Variants in TP53BP1 observed in about 807,000 individuals in gnomAD.
The protein encoded by TP53BP1 is TP53-binding protein 1.
A neutral mutation model predicts 200.8 loss-of-function variants in TP53BP1; 61 were observed. The ratio of observed to expected loss-of-function variants is 0.30; its 90% confidence interval spans 0.25 to 0.38. TP53BP1 has a LOEUF of 0.38. Ranked by LOEUF, TP53BP1 falls within the 10% of genes least tolerant of loss-of-function variation. The pLI is 1.00. For synonymous variants in TP53BP1, 822 were observed against 844.3 expected (o/e 0.97, Z 0.46); for missense variants, 2,144 against 2,371.9 (o/e 0.90, Z 2.00).
chr15:43,492,255 C>T, intron 2 of TP53BP1, 29 bp downstream of exon 2: 1 of 1,589,196 alleles, frequency 6.3e-7, no homozygotes, highest in South Asian at 1.2e-5. Flanking sequence ...AAAATCTGCT[C>T]AATCTTCTTC....
intron 14 of TP53BP1, among the ~76,000 whole-genome samples, chr15:43,444,097 G>T (rs113103307): frequency 4.5e-4 from 69 of 152,254 alleles, no homozygotes; most frequent in African/African-American, 1.6e-3. Flanking sequence ...TTGTTGTAAG[G>T]ATGAAATGAT....
Position 43,498,614 on chromosome 15 carries a change from G to A in TP53BP1, c.-8-6146C>T, listed in dbSNP as rs141571206. Among the ~76,000 whole-genome samples the A allele has an allele frequency of 3.2e-4, 49 of 152,288 alleles. 1 individual carries two copies. In the East Asian group the frequency reaches 9.3e-3, roughly 29 times the overall value. On this transcript the variant is annotated intron_variant, in intron 1 of 27. Coordinates refer to the TP53BP1 transcript ENST00000263801. ...TCAAGAAATGTTCTAGATTTGAGAA[G>A]ACTACAAAGACAAAACCATTAAATG...
In TP53BP1 at chr15:43,441,555, T is replaced by A. The variant is rs1222046027; in HGVS notation, c.3069A>T (p.Gly1023=). 6.2e-7 allele frequency: 1 copy of A among 1,613,566 alleles called. No individual in the cohort carries two copies. Among genetic ancestry groups the A allele is most frequent in the South Asian group, 1.1e-5 (1 of 91,074 alleles). ...CAACAGACTCAGCAACAGCAGTAGA[T>A]CCATTTTTTCTTTCACCAGTTGCAG... is the stretch of plus-strand genomic sequence containing the variant. ...EKPATGERKN[G]STAVAESVAS... The change falls in exon 15 of 28, where the codon GGA becomes GGT. Residue 1023 remains glycine (G), a synonymous_variant. Coordinates refer to ENST00000382044, the MANE Select transcript of TP53BP1 (RefSeq NM_001141980.3).
intron 18 of TP53BP1, 35 bp from the exon 19 acceptor site, chr15:43,422,161 T>C: frequency 1.9e-6 from 3 of 1,599,860 alleles, no homozygotes; most frequent in East Asian, 4.5e-5. Context: ...AGATAAAAGA[T>C]GCCATAATAA....
At chr15:43,467,788 C>CT (rs11384031) in intron 11 of TP53BP1, among the ~76,000 whole-genome samples, 27,914 of 143,126 alleles carry the variant, frequency 0.2, 2,821 homozygotes, top group Middle Eastern at 0.25. Flanking sequence ...TTCTTAAACT[C>CT]TTTTTTTTTT....
At position 43,473,019 on chromosome 15, in the gene TP53BP1, TCA is replaced by T. The variant is rs1431036877; in HGVS notation, c.1180+1652_1180+1653del. ...CTGGTGGGTTCGTGGTCTCGCTGGT[TCA>T]GGAGTGAAGCTGCAGACCTTCGCGG... is the stretch of plus-strand genomic sequence containing the variant. On this transcript the variant is annotated intron_variant, in intron 10 of 27. Coordinates refer to ENST00000382044, the MANE Select transcript of TP53BP1 (RefSeq NM_001141980.3). 2.1e-4 allele frequency among the ~76,000 whole-genome samples: 32 copies of T among 152,242 alleles called. No individual in the cohort carries two copies. In the East Asian group the frequency reaches 4.1e-3, roughly 19 times the overall value.
intron 8 of TP53BP1, among the ~76,000 whole-genome samples, chr15:43,476,247 A>T (rs1249776546): frequency 6.6e-6 from 1 of 152,234 alleles, no homozygotes; most frequent in Non-Finnish European, 1.5e-5. Flanking sequence ...CCTGGGCAAC[A>T]GAGGGAGACT....
intron 10 of TP53BP1, among the ~76,000 whole-genome samples, chr15:43,470,509 G>C (rs1050516029): frequency 6.6e-6 from 1 of 152,030 alleles, no homozygotes; most frequent in Non-Finnish European, 1.5e-5. Flanking sequence ...TCATATTTAC[G>C]AACTGATTAT....
chr15:43,411,418 AAT>A (rs1227823951), intron 24 of TP53BP1, among the ~76,000 whole-genome samples: 2 of 152,208 alleles, frequency 1.3e-5, no homozygotes, highest in African/African-American at 4.8e-5. Context: ...CTTATTAATA[AAT>A]ATATCTCATA....
chr15:43,481,728 T>C (rs1037933400), intron 4 of TP53BP1, among the ~76,000 whole-genome samples: 6 of 149,442 alleles, frequency 4.0e-5, no homozygotes, highest in African/African-American at 1.5e-4. Context: ...GGCAGGAAAA[T>C]TGCTCGAACC....
At chr15:43,477,794 T>G (rs1174646323) in intron 7 of TP53BP1, 35 bp from the exon 8 acceptor site, 1 of 1,466,766 alleles carries the variant, frequency 6.8e-7, no homozygotes, top group Non-Finnish European at 9.1e-7. Flanking sequence ...AAAAAGTTCC[T>G]AAGTTCAAAT....
At chr15:43,486,119 G>C (rs1221823417) in intron 4 of TP53BP1, among the ~76,000 whole-genome samples, 1 of 151,792 alleles carries the variant, frequency 6.6e-6, no homozygotes, top group Non-Finnish European at 1.5e-5. Context: ...CCTCACGCCC[G>C]TAATCCCAGC....
At chr15:43,466,969 G>A (rs1253999246) in intron 11 of TP53BP1, among the ~76,000 whole-genome samples, 1 of 152,050 alleles carries the variant, frequency 6.6e-6, no homozygotes, top group Non-Finnish European at 1.5e-5. Flanking sequence ...AAGAGGCCTT[G>A]TTTTAACTAT....
intron 4 of TP53BP1, among the ~76,000 whole-genome samples, chr15:43,482,820 C>T (rs1223414204): frequency 5.3e-5 from 8 of 152,162 alleles, no homozygotes; most frequent in Non-Finnish European, 1.2e-4. Flanking sequence ...GTCCCAGCTA[C>T]TTGGGAGGCT....
At chr15:43,409,395 T>C (rs1837628251) in intron 25 of TP53BP1, 1 of 545,554 alleles carries the variant, frequency 1.8e-6, no homozygotes, top group Non-Finnish European at 3.2e-6. Flanking sequence ...TTTCTACTAC[T>C]AAACATAAAC....
At position 43,464,545 on chromosome 15, in the gene TP53BP1, G is replaced by A. The variant is rs896124835; in HGVS notation, c.1389+5313C>T. On this transcript the variant is annotated intron_variant, in intron 11 of 27. Coordinates refer to ENST00000382044, the MANE Select transcript of TP53BP1 (RefSeq NM_001141980.3). The stretch of plus-strand genomic sequence containing the variant: ...AGCCAAAAGGGGAAACAACCCAAAC[G>A]TCCATCAACTGACGAATCCATGAGT... 3.3e-5 allele frequency among the ~76,000 whole-genome samples: 5 copies of A among 152,066 alleles called. No individual in the cohort carries two copies. The East Asian group carries it at 5.8e-4, about 18-fold the overall frequency.
intron 4 of TP53BP1, among the ~76,000 whole-genome samples, chr15:43,491,349 G>A (rs554638773): frequency 6.6e-6 from 1 of 152,192 alleles, no homozygotes; most frequent in East Asian, 1.9e-4. Flanking sequence ...TCAAAGCGCT[G>A]GGATTACAGG....
intron 1 of TP53BP1, among the ~76,000 whole-genome samples, chr15:43,504,719 G>C (rs1489672615): frequency 6.6e-6 from 1 of 152,134 alleles, no homozygotes; most frequent in Non-Finnish European, 1.5e-5. Flanking sequence ...GAATAAAAAG[G>C]TTGATACAGG....
chr15:43,488,797 G>A (rs1308019487), intron 4 of TP53BP1, among the ~76,000 whole-genome samples: 1 of 152,120 alleles, frequency 6.6e-6, no homozygotes, highest in Non-Finnish European at 1.5e-5. Context: ...AGGAGGCTGA[G>A]GCAAGAGAAT....
Sources: gnomAD v4.1 joint callset for allele counts (sites outside exome capture counted in the v4.1 genomes callset) on GRCh38, gnomAD v4.1.1 for gene constraint, MANE v1.5 for transcripts, NCBI Gene and HGNC (gene_info 2026-07-23, HGNC 2026-07-21) for gene names.